RGS9: variants seen among roughly 807,000 people sequenced by gnomAD.
RGS9 encodes regulator of G protein signaling 9.
Under a neutral mutation model 102.0 loss-of-function variants are expected in RGS9, and 78 were observed. The observed-to-expected ratio is 0.76, with a 90% CI of 0.64 to 0.92. RGS9 has a LOEUF of 0.92. RGS9 is among the 40% of genes least tolerant of loss of function. RGS9 has a pLI of 0.00. For synonymous variants in RGS9, 353 were observed against 318.6 expected, an observed-to-expected ratio of 1.11 and a Z score of -1.15; for missense variants, 833 against 866.1, an observed-to-expected ratio of 0.96 and a Z score of 0.48.
intron 11 of RGS9, among the ~76,000 whole-genome samples, chr17:65,192,937 T>G (rs1912429692): frequency 6.6e-6 from 1 of 151,914 alleles, no homozygotes; most frequent in Non-Finnish European, 1.5e-5. Flanking sequence ...AAAAACCTAT[T>G]GATAAAATAT....
Position 65,181,185 on chromosome 17 carries a change from A to T in RGS9, c.654+3382A>T, listed in dbSNP as rs186208471. Among the ~76,000 whole-genome samples the T allele has an allele frequency of 9.2e-5, 14 of 152,300 alleles. No individual in the cohort carries two copies. The East Asian group carries it at 1.9e-3, about 21-fold the overall frequency. ...ACCTAGTAATGCGATTGCTGGGTCA[A>T]TGGTAATTCTATTTTAAGTTCTTTG... On this transcript the variant is annotated intron_variant, in intron 9 of 18. Coordinates refer to ENST00000262406, the MANE Select transcript of RGS9 (RefSeq NM_003835.4).
In RGS9 at chr17:65,160,875, T is replaced by C. The variant is rs767889701; in HGVS notation, c.389T>C (p.Ile130Thr). ...GCCATCTATCTGGCCAAGCGAAATA[T>C]CAAAAAGAAAGGGATTTTGGAAGAA... is the stretch of plus-strand genomic sequence containing the variant. ...DYAIYLAKRN[I>T]KKKGILEEYE... Residue 130 changes from isoleucine to threonine, a missense_variant, in exon 6 of 19, where the codon ATC becomes ACC. Physicochemically the swap from Ile to Thr is moderately conservative, Grantham distance 89. Around this residue, in one of 3 missense-constraint regions of RGS9, gnomAD observed 328 missense variants for 340.6 expected, o/e 0.96. Transcript: ENST00000262406. 2 of 1,614,058 alleles carry C rather than the reference T, an allele frequency of 1.2e-6. No individual in the cohort carries two copies. Among genetic ancestry groups the C allele is most frequent in the South Asian group, 1.1e-5 (1 of 91,082 alleles).
At chr17:65,197,291 A>G in intron 13 of RGS9, 50 bp downstream of exon 13, 1 of 1,237,962 alleles carries the variant, frequency 8.1e-7, no homozygotes, top group South Asian at 1.3e-5. Context: ...TTTTAGAAAG[A>G]GTCCTTTAAT....
At chr17:65,211,701 GC>G (rs1463714818) in intron 17 of RGS9, among the ~76,000 whole-genome samples, 1 of 152,216 alleles carries the variant, frequency 6.6e-6, no homozygotes, top group Non-Finnish European at 1.5e-5. Flanking sequence ...ACAGAAGTGA[GC>G]AAGAGACCAG....
intron 17 of RGS9, among the ~76,000 whole-genome samples, chr17:65,220,525 C>CCATGG (rs1913668729): frequency 6.6e-6 from 1 of 152,126 alleles, no homozygotes; most frequent in African/African-American, 2.4e-5. Context: ...ATGTGTTCAC[C>CCATGG]CATGGCAGAG....
At chr17:65,197,270 A>C in intron 13 of RGS9, 29 bp downstream of exon 13, 1 of 1,422,880 alleles carries the variant, frequency 7.0e-7, no homozygotes. Context: ...AAAAAAATTA[A>C]AATAACTTAC....
intron 12 of RGS9, among the ~76,000 whole-genome samples, chr17:65,196,486 A>G (rs933270267): frequency 2.6e-5 from 4 of 152,234 alleles, no homozygotes; most frequent in Admixed American, 2.6e-4. Context: ...GATCTCTGCT[A>G]GCTGGGCTCG....
chr17:65,179,547 G>T (rs1911772799), intron 9 of RGS9, among the ~76,000 whole-genome samples: 1 of 151,860 alleles, frequency 6.6e-6, no homozygotes, highest in African/African-American at 2.4e-5. Context: ...GAGAGAGGGT[G>T]GAGGCAGAAA....
At chr17:65,217,680 G>A (rs910034035) in intron 17 of RGS9, among the ~76,000 whole-genome samples, 3 of 152,236 alleles carry the variant, frequency 2.0e-5, no homozygotes, top group East Asian at 1.9e-4. Flanking sequence ...AAAGGACAGC[G>A]TGAGGTGGGG....
intron 17 of RGS9, among the ~76,000 whole-genome samples, chr17:65,219,106 G>A (rs117817583): frequency 0.021 from 3,240 of 152,296 alleles, 48 homozygotes; most frequent in South Asian, 0.049. Context: ...GTGGCCAACC[G>A]GGACCATCCA....
At chr17:65,147,779 C>T (rs564923683) in intron 1 of RGS9, among the ~76,000 whole-genome samples, 3 of 151,690 alleles carry the variant, frequency 2.0e-5, no homozygotes, top group East Asian at 1.9e-4. Context: ...TTTGTAGAGA[C>T]GGGGTTTTAC....
chr17:65,165,536 C>T (rs1911143573), intron 7 of RGS9, among the ~76,000 whole-genome samples: 1 of 152,180 alleles, frequency 6.6e-6, no homozygotes, highest in Non-Finnish European at 1.5e-5. Flanking sequence ...CAGACAGCTA[C>T]TCAAGATCTC....
At position 65,173,390 on chromosome 17, in the gene RGS9, T is replaced by G. The variant is rs1911492794; in HGVS notation, c.583-4342T>G. Among the ~76,000 whole-genome samples, 1 of 151,434 alleles carries G rather than the reference T, an allele frequency of 6.6e-6. No individual in the cohort carries two copies. The highest frequency in any genetic ancestry group is 1.5e-5 in the Non-Finnish European group (1 of 67,892). ...CACGGTGGAGTACCACCGAGAAGTG[T>G]CCGTCAGCTCCACGCTGGCCTTGCT... On this transcript the variant is annotated intron_variant, in intron 8 of 18. Transcript: ENST00000262406. This position sits in a 1 kb window ranked among gnomAD's most constrained non-coding sequence, Gnocchi z 4.8.
At chr17:65,153,271 G>A in intron 1 of RGS9, 151 bp from the exon 2 acceptor site, 1 of 754,336 alleles carries the variant, frequency 1.3e-6, no homozygotes, top group Non-Finnish European at 2.4e-6. Flanking sequence ...TTGCATTAGA[G>A]TCACTCAGTG....
intron 11 of RGS9, among the ~76,000 whole-genome samples, chr17:65,192,891 G>A (rs1389372779): frequency 2.0e-5 from 3 of 152,054 alleles, no homozygotes; most frequent in African/African-American, 4.8e-5. Context: ...TGGGTGCAGA[G>A]ACACAAGTTT....
chr17:65,170,085 T>G (rs1911355674), intron 8 of RGS9, among the ~76,000 whole-genome samples: 1 of 149,796 alleles, frequency 6.7e-6, no homozygotes, highest in African/African-American at 2.5e-5. Context: ...GATGGAGCCT[T>G]GCTCTGTCAC....
At chr17:65,165,680 G>A (rs913737559) in intron 7 of RGS9, among the ~76,000 whole-genome samples, 2 of 151,920 alleles carry the variant, frequency 1.3e-5, no homozygotes, top group African/African-American at 4.8e-5. Flanking sequence ...CAAACTCACC[G>A]TCACCTGAAC....
chr17:65,168,248 G>A lies in RGS9; in HGVS notation c.549G>A (p.Gln183=), dbSNP rs1598579712. 1.2e-6 allele frequency: 2 copies of A among 1,611,698 alleles called. No homozygotes were observed. Among genetic ancestry groups the A allele is most frequent in the Non-Finnish European group, 8.5e-7 (1 of 1,179,122 alleles). The change falls in exon 8 of 19, where the codon CAG becomes CAA. Residue 183 remains glutamine (Q), a synonymous_variant. Coordinates refer to ENST00000262406, the MANE Select transcript of RGS9 (RefSeq NM_003835.4). The part of the protein sequence containing the change: ...NKADRYALDC[Q]EKAYWLVHRC... ...CAGACAGATATGCCCTGGACTGCCA[G>A]GAGAAGGCATACTGGCTGGTGCACC...
intron 17 of RGS9, among the ~76,000 whole-genome samples, chr17:65,223,813 C>T (rs1030258122): frequency 1.0e-4 from 15 of 150,536 alleles, no homozygotes; most frequent in East Asian, 3.9e-4. Flanking sequence ...TGCAGTGACG[C>T]GATCTCGGCT....
Sources: gnomAD v4.1 joint callset for allele counts (sites outside exome capture counted in the v4.1 genomes callset) on GRCh38, gnomAD v4.1.1 for gene constraint, gnomAD v4.1.1 regional missense constraint, Gnocchi (gnomAD v3.1) non-coding constraint, MANE v1.5 for transcripts, NCBI Gene and HGNC (gene_info 2026-07-23, HGNC 2026-07-21) for gene names.